The following NLGN1 variants were observed in gnomAD, a reference collection of about 807,000 sequenced individuals.
NLGN1 encodes neuroligin 1, also known as neuroligin-1.
NLGN1 carries 12 observed loss-of-function variants against 65.5 expected under a neutral mutation model. That is an observed-to-expected ratio of 0.18 (90% CI 0.12 to 0.30). The LOEUF (loss-of-function observed/expected upper bound fraction) is 0.30, where lower values mean the gene tolerates loss of function less well. NLGN1 is among the 10% of genes least tolerant of loss of function. The probability of loss-of-function intolerance (pLI) is 1.00; values close to 1 mark genes in which losing one functional copy is unlikely to be tolerated. For missense variants in NLGN1, 750 were observed against 1,007.1 expected, an observed-to-expected ratio of 0.74 and a Z score of 3.46; for synonymous variants, 350 against 359.5, an observed-to-expected ratio of 0.97 and a Z score of 0.30.
At chr3:173,812,267 A>G (rs1273485085) in intron 4 of NLGN1, among the ~76,000 whole-genome samples, 1 of 152,190 alleles carries the variant, frequency 6.6e-6, no homozygotes, top group Non-Finnish European at 1.5e-5. Flanking sequence ...TGTGGGGCTA[A>G]ATTGTTTAAA....
chr3:173,584,320 G>A (rs926815431), intron 2 of NLGN1, among the ~76,000 whole-genome samples: 1 of 149,800 alleles, frequency 6.7e-6, no homozygotes, highest in Non-Finnish European at 1.5e-5. Flanking sequence ...GGAGCCACTA[G>A]GGGTATCTTT....
chr3:173,651,340 A>G (rs767066751), intron 3 of NLGN1, among the ~76,000 whole-genome samples: 2 of 151,426 alleles, frequency 1.3e-5, no homozygotes, highest in Non-Finnish European at 2.9e-5. Flanking sequence ...TTATATATAT[A>G]TTACTTTTTT....
chr3:173,503,639 C>A (rs1045286925), intron 2 of NLGN1, among the ~76,000 whole-genome samples: 3 of 152,024 alleles, frequency 2.0e-5, no homozygotes, highest in Non-Finnish European at 4.4e-5. Context: ...CCAGACATCC[C>A]TAGTGTCTGC....
At chr3:174,009,427 G>A (rs997485032) in intron 4 of NLGN1, among the ~76,000 whole-genome samples, 3 of 152,056 alleles carry the variant, frequency 2.0e-5, no homozygotes, top group African/African-American at 7.2e-5. Context: ...TACGATAAAT[G>A]CATTACAAGA....
intron 2 of NLGN1, among the ~76,000 whole-genome samples, chr3:173,549,875 T>G (rs1740555319): frequency 6.6e-6 from 1 of 152,190 alleles, no homozygotes; most frequent in East Asian, 1.9e-4. Context: ...TCACTAAGTC[T>G]CTCCTAAAAG....
intron 4 of NLGN1, among the ~76,000 whole-genome samples, chr3:174,243,556 C>T (rs1743269691): frequency 1.3e-5 from 2 of 152,140 alleles, no homozygotes; most frequent in Admixed American, 1.3e-4. Context: ...TAAAAATTCC[C>T]CTATGTAATT....
chr3:173,561,474 A>C (rs1465585338), intron 2 of NLGN1, among the ~76,000 whole-genome samples: 3 of 152,182 alleles, frequency 2.0e-5, no homozygotes, highest in Admixed American at 2.0e-4. Context: ...GATGAAGTGG[A>C]GGTCATGATG....
chr3:173,573,139 AAC>A (rs1744919750), intron 2 of NLGN1, among the ~76,000 whole-genome samples: 1 of 152,194 alleles, frequency 6.6e-6, no homozygotes, highest in African/African-American at 2.4e-5. Context: ...CTTCACAATG[AAC>A]AGGAAGTACA....
intron 4 of NLGN1, among the ~76,000 whole-genome samples, chr3:173,933,485 G>A (rs1744507753): frequency 6.6e-6 from 1 of 152,038 alleles, no homozygotes; most frequent in Non-Finnish European, 1.5e-5. Context: ...ATGGCCAGAG[G>A]GGTATCTATC....
intron 2 of NLGN1, among the ~76,000 whole-genome samples, chr3:173,563,348 C>A (rs547482501): frequency 6.6e-6 from 1 of 152,252 alleles, no homozygotes; most frequent in African/African-American, 2.4e-5. Flanking sequence ...GAGAGATGCC[C>A]CATCCTCACC....
At chr3:173,500,561 C>T (rs918525674) in intron 2 of NLGN1, among the ~76,000 whole-genome samples, 1 of 152,000 alleles carries the variant, frequency 6.6e-6, no homozygotes, top group Non-Finnish European at 1.5e-5. Flanking sequence ...ATAATGCTGG[C>T]CTCATAAAAT....
At chr3:174,159,983 C>T (rs774068725) in intron 4 of NLGN1, among the ~76,000 whole-genome samples, 4 of 151,630 alleles carry the variant, frequency 2.6e-5, no homozygotes, top group South Asian at 2.1e-4. Flanking sequence ...CAATTTCTTA[C>T]GAGATTTTCT....
rs1362050556 is a variant in NLGN1, at chr3:173,539,657, G to GTACATATGCACATATATAACATACATATA, written c.-320-64621_-320-64620insACATATGCACATATATAACATACATATAT. On this transcript the variant is annotated intron_variant, in intron 2 of 6. Transcript: ENST00000457714. Reference sequence around the variant, plus strand: ...ACACATATATACATATATAACATATGTGTATATATGCACATATATAACATA... The same window carrying GTACATATGCACATATATAACATACATATA: ...ACACATATATACATATATAACATATGTACATATGCACATATATAACATACATATATGTATATATGCACATATATAACATA... Among the ~76,000 whole-genome samples, 759 of 124,252 alleles carry GTACATATGCACATATATAACATACATATA rather than the reference G, an allele frequency of 6.1e-3. 11 individuals carry two copies. Among genetic ancestry groups the GTACATATGCACATATATAACATACATATA allele is most frequent in the Non-Finnish European group, 9.1e-3 (572 of 62,676 alleles). The allele number at this position is 124,252 out of a possible 152,430, so 81.5% of individuals were successfully genotyped here. A position where few individuals can be genotyped will look rare whatever the true frequency, so the allele number is the denominator to read the frequency against.
chr3:174,144,067 C>T (rs984083763), intron 4 of NLGN1, among the ~76,000 whole-genome samples: 2 of 152,122 alleles, frequency 1.3e-5, no homozygotes, highest in African/African-American at 4.8e-5. Context: ...CCTCCCCTAG[C>T]CTCCCACCCT....
chr3:174,111,290 T>C (rs1715169274), intron 4 of NLGN1, among the ~76,000 whole-genome samples: 1 of 151,828 alleles, frequency 6.6e-6, no homozygotes, highest in South Asian at 2.1e-4. Flanking sequence ...CCCCAGTAAC[T>C]AGTAGTTAAT....
At chr3:173,517,472 A>G (rs1004752910) in intron 2 of NLGN1, among the ~76,000 whole-genome samples, 3 of 152,012 alleles carry the variant, frequency 2.0e-5, no homozygotes, top group African/African-American at 7.2e-5. Context: ...TGTACCCACT[A>G]CTCATTGATA....
intron 4 of NLGN1, among the ~76,000 whole-genome samples, chr3:174,173,246 A>G (rs573119452): frequency 3.9e-5 from 6 of 152,184 alleles, no homozygotes; most frequent in Middle Eastern, 3.4e-3. Flanking sequence ...AGATCATATC[A>G]TCTGCAAACA....
At chr3:173,774,076 A>G (rs1779959445) in intron 3 of NLGN1, among the ~76,000 whole-genome samples, 1 of 152,228 alleles carries the variant, frequency 6.6e-6, no homozygotes, top group South Asian at 2.1e-4. Context: ...ATAGCAGGGC[A>G]TATGGGCCAC....
intron 4 of NLGN1, among the ~76,000 whole-genome samples, chr3:174,255,541 A>C (rs530489195): frequency 1.3e-5 from 2 of 151,558 alleles, no homozygotes; most frequent in African/African-American, 4.8e-5. Flanking sequence ...ACTCCTTCTG[A>C]CTGCAAAGAC....
Sources: allele counts gnomAD v4.1 joint callset (sites outside exome capture counted in the v4.1 genomes callset), GRCh38; gene constraint gnomAD v4.1.1; transcripts MANE v1.5; gene names NCBI Gene and HGNC (gene_info 2026-07-23, HGNC 2026-07-21).